SPINT2: variants seen among roughly 807,000 people sequenced by gnomAD.
The protein encoded by SPINT2 is serine peptidase inhibitor, Kunitz type 2.
In SPINT2, 18 loss-of-function variants were observed where a neutral mutation model predicts 30.1. The observed-to-expected ratio is 0.60, with a 90% CI of 0.41 to 0.89. SPINT2 has a LOEUF of 0.89. Ranked by LOEUF, SPINT2 falls within the 40% of genes least tolerant of loss-of-function variation. SPINT2 has a pLI of 0.00. For synonymous variants in SPINT2, 139 were observed against 137.9 expected (o/e 1.01, Z -0.05); for missense variants, 276 against 334.3 (o/e 0.83, Z 1.36).
At chr19:38,288,991 C>A (rs57347571) in intron 3 of SPINT2, 147 bp from the exon 4 acceptor site, 2 of 738,802 alleles carry the variant, frequency 2.7e-6, no homozygotes, top group East Asian at 5.1e-5. Flanking sequence ...GCTGGGGTGA[C>A]GTGGCAGAGC....
chr19:38,290,103 G>A lies in SPINT2; in HGVS notation c.392-16G>A. The A allele has an allele frequency of 6.2e-7, 1 of 1,612,288 alleles. No homozygotes were observed. The highest frequency in any genetic ancestry group is 1.7e-5 in the Admixed American group (1 of 60,026). On this transcript the variant is annotated splice_polypyrimidine_tract_variant and intron_variant, in intron 4 of 6. Transcript: ENST00000301244. The surrounding 1 kb of genome is among the most constrained non-coding windows in gnomAD (Gnocchi z 4.3). ...GGCCCTACTAATTTGTATTCCCTGG[G>A]CTGTCTTACTCCTAGAATACTGCAC...
intron 1 of SPINT2, among the ~76,000 whole-genome samples, chr19:38,279,636 A>G (rs1968558316): frequency 6.6e-6 from 1 of 152,186 alleles, no homozygotes; most frequent in African/African-American, 2.4e-5. Flanking sequence ...TTTTCTCTTA[A>G]TAAAGAGACT....
At chr19:38,265,738 C>A (rs1447043529) in intron 1 of SPINT2, 1 of 152,366 alleles carries the variant, frequency 6.6e-6, no homozygotes, top group Non-Finnish European at 1.5e-5. Context: ...CAGACAAGCA[C>A]CAGCGTGTTT....
rs1419242575 is a variant in SPINT2 at position 38,292,075 on chromosome 19, A to T, written c.*69A>T. The T allele has an allele frequency of 6.4e-7, 1 of 1,570,486 alleles. No individual in the cohort carries two copies. Among genetic ancestry groups the T allele is most frequent in the African/African-American group, 1.3e-5 (1 of 74,090 alleles). On this transcript the variant is annotated 3_prime_UTR_variant, in exon 7 of 7. Transcript: ENST00000301244. Reference sequence around the variant, plus strand: ...GTGTGAGCTTTTTTTAAATAGAGGGATTGACTCGGATTTGAGTGATCATTA... The same window carrying T: ...GTGTGAGCTTTTTTTAAATAGAGGGTTTGACTCGGATTTGAGTGATCATTA...
In SPINT2 at chr19:38,290,544, G is replaced by T; in HGVS notation, c.561G>T (p.Gln187His). 1 of 1,614,110 alleles carries T rather than the reference G, an allele frequency of 6.2e-7. No individual in the cohort carries two copies. Among genetic ancestry groups the T allele is most frequent in the Non-Finnish European group, 8.5e-7 (1 of 1,180,016 alleles). The change falls in exon 6 of 7, where the codon CAG becomes CAT. Residue 187 changes from glutamine to histidine, a missense_variant. Gln to His is a conservative substitution (Grantham distance 24). Coordinates refer to ENST00000301244, the MANE Select transcript of SPINT2 (RefSeq NM_021102.4). The surrounding 1 kb of genome is among the most constrained non-coding windows in gnomAD (Gnocchi z 4.3). ...EACMLRCFRQ[Q>H]ENPPLPLGSK... ...CTGTGTGTTCTCTTCCAGGCCAGCA[G>T]GAGAATCCTCCCCTGCCCCTTGGCT...
At chr19:38,269,831 G>A (rs372470760) in intron 1 of SPINT2, among the ~76,000 whole-genome samples, 74 of 86,640 alleles carry the variant, frequency 8.5e-4, no homozygotes, top group East Asian at 1.8e-3. Context: ...GGATGGTCTT[G>A]ATCTCCTGAC....
intron 1 of SPINT2, 54 bp downstream of exon 1, chr19:38,265,052 G>A: frequency 7.1e-7 from 1 of 1,416,956 alleles, no homozygotes; most frequent in Non-Finnish European, 9.5e-7. Flanking sequence ...GAGGCTCGGG[G>A]GTCAACGGGG....
chr19:38,269,301 C>T (rs769448144), intron 1 of SPINT2, among the ~76,000 whole-genome samples: 13 of 151,146 alleles, frequency 8.6e-5, no homozygotes, highest in Admixed American at 2.0e-4. Flanking sequence ...GTCTCACCAC[C>T]GTGTTAGCCA....
chr19:38,269,070 CTTTTGT>C (rs373091884), intron 1 of SPINT2, among the ~76,000 whole-genome samples: 43 of 152,052 alleles, frequency 2.8e-4, no homozygotes, highest in African/African-American at 9.9e-4. Context: ...GGCTTAAGGT[CTTTTGT>C]TTTTGTTTTT....
intron 1 of SPINT2, among the ~76,000 whole-genome samples, chr19:38,277,869 A>G (rs763492864): frequency 1.3e-5 from 2 of 152,192 alleles, no homozygotes; most frequent in Non-Finnish European, 2.9e-5. Flanking sequence ...AGATATTCTG[A>G]AGCTTATGAG....
intron 1 of SPINT2, among the ~76,000 whole-genome samples, chr19:38,283,004 GTTT>G (rs60957053): frequency 1.4e-5 from 2 of 147,010 alleles, no homozygotes; most frequent in African/African-American, 2.5e-5. Context: ...GTTTTGTTTT[GTTT>G]TTTTTTTTTT....
At chr19:38,267,970 C>T (rs73037307) in intron 1 of SPINT2, among the ~76,000 whole-genome samples, 8,860 of 152,040 alleles carry the variant, frequency 0.058, 291 homozygotes, top group East Asian at 0.098. Context: ...GGTGTGCCCT[C>T]AGGGGAGATT....
At chr19:38,281,488 T>A (rs951962917) in intron 1 of SPINT2, among the ~76,000 whole-genome samples, 2 of 152,054 alleles carry the variant, frequency 1.3e-5, no homozygotes, top group African/African-American at 4.8e-5. Context: ...GATGGGCGGA[T>A]CACCTGAGGT....
intron 2 of SPINT2, 134 bp downstream of exon 2, chr19:38,283,931 T>G: frequency 9.3e-7 from 1 of 1,072,706 alleles, no homozygotes; most frequent in Non-Finnish European, 1.3e-6. Flanking sequence ...AAGCTCCGCC[T>G]CCCGGGTTCA....
At chr19:38,270,696 T>C (rs2146266578) in intron 1 of SPINT2, among the ~76,000 whole-genome samples, 1 of 152,358 alleles carries the variant, frequency 6.6e-6, no homozygotes, top group East Asian at 1.9e-4. Flanking sequence ...GAGCTCAGCC[T>C]GCAATGGAGA....
chr19:38,283,077 C>T (rs1468813690), intron 1 of SPINT2, among the ~76,000 whole-genome samples: 3 of 151,660 alleles, frequency 2.0e-5, no homozygotes, highest in African/African-American at 4.8e-5. Flanking sequence ...TTTGGGAGGC[C>T]GAGGCAGGCG....
intron 2 of SPINT2, among the ~76,000 whole-genome samples, chr19:38,284,092 C>T (rs564936825): frequency 6.9e-4 from 105 of 152,068 alleles, no homozygotes; most frequent in Non-Finnish European, 1.2e-3. Flanking sequence ...CTGCCTGCCT[C>T]AGCCTCCCAA....
intron 1 of SPINT2, among the ~76,000 whole-genome samples, chr19:38,271,931 T>G (rs1173951231): frequency 4.0e-5 from 6 of 151,678 alleles, no homozygotes; most frequent in Admixed American, 1.3e-4. Context: ...AGTCCCTTAA[T>G]CTGAAGTCCT....
chr19:38,290,286 T>C lies in SPINT2; in HGVS notation c.553+6T>C. The C allele has an allele frequency of 1.2e-6, 2 of 1,611,420 alleles. No homozygotes were observed. Among genetic ancestry groups the C allele is most frequent in the Non-Finnish European group, 1.7e-6 (2 of 1,179,672 alleles). On this transcript the variant is annotated splice_donor_region_variant and intron_variant, in intron 5 of 6. Coordinates refer to ENST00000301244, the MANE Select transcript of SPINT2 (RefSeq NM_021102.4). This position sits in a 1 kb window ranked among gnomAD's most constrained non-coding sequence, Gnocchi z 4.3. ...CTGCATGCTCCGCTGCTTCCGTAAG[T>C]CTGCAGCCCCTCAGCCCAGGAAGCC...
Sources: allele counts gnomAD v4.1 joint callset (sites outside exome capture counted in the v4.1 genomes callset), GRCh38; gene constraint gnomAD v4.1.1; non-coding constraint Gnocchi (gnomAD v3.1); transcripts MANE v1.5; gene names NCBI Gene and HGNC (gene_info 2026-07-23, HGNC 2026-07-21).